The following TCF4 variants were observed in gnomAD, a reference collection of about 807,000 sequenced individuals.
TCF4 encodes the protein transcription factor 4.
In TCF4, 3 loss-of-function variants were observed where a neutral mutation model predicts 82.1. The observed-to-expected ratio is 0.04, with a 90% confidence interval of 0.02 to 0.09. The LOEUF is 0.09. TCF4 is among the 10% of genes least tolerant of loss of function. TCF4 has a pLI of 1.00. For synonymous variants in TCF4, 276 were observed against 309.6 expected (o/e 0.89, Z 1.14); for missense variants, 518 against 852.7 (o/e 0.61, Z 4.89).
At chr18:55,310,493 C>T (rs1292840348) in intron 8 of TCF4, among the ~76,000 whole-genome samples, 6 of 152,180 alleles carry the variant, frequency 3.9e-5, no homozygotes, top group Non-Finnish European at 8.8e-5. Flanking sequence ...AAGACTCAGC[C>T]ACCAGATCCT....
At chr18:55,466,606 T>C (rs1568128084) in intron 3 of TCF4, among the ~76,000 whole-genome samples, 1 of 152,184 alleles carries the variant, frequency 6.6e-6, no homozygotes, top group Non-Finnish European at 1.5e-5. Flanking sequence ...AAAGATGTAT[T>C]AAAATTTGAT....
chr18:55,483,320 A>C (rs916402718), intron 3 of TCF4, among the ~76,000 whole-genome samples: 6 of 152,252 alleles, frequency 3.9e-5, no homozygotes, highest in African/African-American at 1.4e-4. Context: ...CTACAACCAC[A>C]GGTATGCTAT....
intron 3 of TCF4, among the ~76,000 whole-genome samples, chr18:55,582,476 T>C (rs1176290574): frequency 6.6e-6 from 1 of 152,126 alleles, no homozygotes. Flanking sequence ...CTGCTAGTCC[T>C]TTCCTGGGTT....
At chr18:55,263,633 TA>T (rs2058507823) in intron 11 of TCF4, among the ~76,000 whole-genome samples, 1 of 151,432 alleles carries the variant, frequency 6.6e-6, no homozygotes, top group South Asian at 2.1e-4. Flanking sequence ...CAAACAAACC[TA>T]AAAACCATTC....
chr18:55,262,510 T>G (rs2058272707), intron 11 of TCF4, among the ~76,000 whole-genome samples: 1 of 152,196 alleles, frequency 6.6e-6, no homozygotes, highest in African/African-American at 2.4e-5. Context: ...TTTTCACTAT[T>G]TTGTGAAATA....
At chr18:55,377,859 A>G (rs1366391996) in intron 6 of TCF4, among the ~76,000 whole-genome samples, 12 of 152,214 alleles carry the variant, frequency 7.9e-5, no homozygotes, top group Non-Finnish European at 1.5e-5. Context: ...CAGAGAGTGA[A>G]TCTTTGCCAC....
At chr18:55,576,620 C>T (rs2097530320) in intron 3 of TCF4, among the ~76,000 whole-genome samples, 1 of 152,140 alleles carries the variant, frequency 6.6e-6, no homozygotes, top group South Asian at 2.1e-4. Context: ...TCACTACCTA[C>T]TTGTCAAAAT....
Position 55,496,902 on chromosome 18 carries a change from A to G in TCF4, c.146-32765T>C, listed in dbSNP as rs2096643340. Among the ~76,000 whole-genome samples the G allele has an allele frequency of 4.6e-5, 7 of 151,918 alleles. No homozygotes were observed. In the South Asian group the frequency reaches 1.5e-3, roughly 32 times the overall value. ...AACAAGAGCTGTAAAATTACAAAAA[A>G]AAAAAAAAAAAAAGTTTAAAGCCAC... On this transcript the variant is annotated intron_variant, in intron 3 of 19. Transcript: ENST00000354452.
At chr18:55,473,993 G>A (rs192901482) in intron 3 of TCF4, among the ~76,000 whole-genome samples, 96 of 152,250 alleles carry the variant, frequency 6.3e-4, no homozygotes, top group Middle Eastern at 3.4e-3. Flanking sequence ...AGCAGAACAC[G>A]CAGTTCCTAC....
intron 8 of TCF4, among the ~76,000 whole-genome samples, chr18:55,343,492 A>C (rs1451874375): frequency 6.6e-6 from 1 of 152,132 alleles, no homozygotes; most frequent in African/African-American, 2.4e-5. Flanking sequence ...GGTGTCACTA[A>C]ACCACTTAAG....
chr18:55,400,021 G>T (rs1023825737), intron 6 of TCF4, among the ~76,000 whole-genome samples: 1 of 151,652 alleles, frequency 6.6e-6, no homozygotes, highest in Non-Finnish European at 1.5e-5. Flanking sequence ...TTCCATTTAA[G>T]GGGAGAAGTA....
rs1161456000 is a variant in TCF4, at chr18:55,429,693, G to A, written c.305-26175C>T. Among the ~76,000 whole-genome samples, 7 of 140,962 alleles carry A rather than the reference G, an allele frequency of 5.0e-5. No homozygotes were observed. The East Asian group carries it at 6.6e-4, about 13-fold the overall frequency. 92.5% of individuals were successfully genotyped at this position (140,962 alleles called of 152,430 possible). On this transcript the variant is annotated intron_variant, in intron 5 of 19. Coordinates refer to ENST00000354452, the MANE Select transcript of TCF4 (RefSeq NM_001083962.2). ...GGAGAATGGCGTGAACCCGGGAGGC[G>A]GAGCTTGCGATGAGCCAAGATGGCA...
intron 3 of TCF4, among the ~76,000 whole-genome samples, chr18:55,483,304 G>C (rs936576533): frequency 2.0e-5 from 3 of 152,214 alleles, no homozygotes; most frequent in Non-Finnish European, 4.4e-5. Context: ...CTGTTAGCTA[G>C]AGAAACTACA....
intron 8 of TCF4, among the ~76,000 whole-genome samples, chr18:55,299,347 G>A (rs1345507543): frequency 5.3e-5 from 8 of 152,068 alleles, no homozygotes; most frequent in Admixed American, 2.0e-4. Flanking sequence ...GGGAGGTGGA[G>A]GTTGCAGTGA....
intron 3 of TCF4, among the ~76,000 whole-genome samples, chr18:55,465,571 G>A (rs573860486): frequency 3.7e-4 from 57 of 152,144 alleles, no homozygotes; most frequent in African/African-American, 1.3e-3. Context: ...ACTGCACCAA[G>A]CCTAGAGAAA....
In TCF4 at chr18:55,259,977, A is replaced by G; in HGVS notation, c.1041T>C (p.Thr347=). Residue 347 remains threonine, a synonymous_variant, in exon 13 of 20, where the codon ACT becomes ACC. Transcript: ENST00000354452. ...AGAGAGATGGAGGAGAGCCAACAGG[A>G]GTTGAAGGGTTTGATGAAAAGCTGT... The part of the protein sequence containing the change: ...TNNSFSSNPS[T]PVGSPPSLSA... The G allele has an allele frequency of 6.2e-7, 1 of 1,613,426 alleles. No individual in the cohort carries two copies. Among genetic ancestry groups the G allele is most frequent in the Non-Finnish European group, 8.5e-7 (1 of 1,179,502 alleles).
chr18:55,278,616 T>C (rs2146238601), intron 9 of TCF4, among the ~76,000 whole-genome samples: 1 of 152,348 alleles, frequency 6.6e-6, no homozygotes, highest in African/African-American at 2.4e-5. Context: ...TTGCCCAGGC[T>C]GGAGTGCAGT....
intron 5 of TCF4, among the ~76,000 whole-genome samples, chr18:55,458,913 G>T (rs935899969): frequency 2.0e-4 from 30 of 152,206 alleles, no homozygotes; most frequent in African/African-American, 6.3e-4. Flanking sequence ...ACACTGCGCC[G>T]TTAATGTCAG....
intron 6 of TCF4, among the ~76,000 whole-genome samples, chr18:55,366,142 T>G (rs988063546): frequency 2.6e-5 from 4 of 152,076 alleles, no homozygotes; most frequent in Admixed American, 2.6e-4. Context: ...CCATGAAAAG[T>G]GATTCTTGAT....
Sources: gnomAD v4.1 joint callset for allele counts (sites outside exome capture counted in the v4.1 genomes callset) on GRCh38, gnomAD v4.1.1 for gene constraint, MANE v1.5 for transcripts, NCBI Gene and HGNC (gene_info 2026-07-23, HGNC 2026-07-21) for gene names.